MYH11: variants seen among roughly 807,000 people sequenced by gnomAD.
The protein encoded by MYH11 is myosin heavy chain 11, also known as myosin-11.
A neutral mutation model predicts 246.6 loss-of-function variants in MYH11; 80 were observed. The observed-to-expected ratio is 0.32, with a 90% CI of 0.27 to 0.39. The LOEUF is 0.39. Ranked by LOEUF, MYH11 falls within the 10% of genes least tolerant of loss-of-function variation. The probability of loss-of-function intolerance (pLI) is 1.00; values close to 1 mark genes in which losing one functional copy is unlikely to be tolerated. For missense variants in MYH11, 2,158 were observed against 2,546.8 expected (o/e 0.85, Z 3.29); for synonymous variants, 1,071 against 1,015.5 (o/e 1.05, Z -1.04).
In MYH11 at chr16:15,815,618, G is replaced by A. The variant is rs756881302; in HGVS notation, c.502+7637C>T. Among the ~76,000 whole-genome samples, 50 of 152,236 alleles carry A rather than the reference G, an allele frequency of 3.3e-4. 2 individuals are homozygous for A. The Middle Eastern group carries it at 0.031, about 93-fold the overall frequency. On this transcript the variant is annotated intron_variant, in intron 3 of 40. Transcript: ENST00000300036. Reference sequence around the variant, plus strand: ...ACACAGGGAGAAAGACAGCATCAATGAAATAATTTGCAACATTTCCCAGAA... The same window carrying A: ...ACACAGGGAGAAAGACAGCATCAATAAAATAATTTGCAACATTTCCCAGAA...
In MYH11 at chr16:15,719,288, C is replaced by G; in HGVS notation, c.5103G>C (p.Arg1701Ser). The G allele has an allele frequency of 6.2e-7, 1 of 1,612,414 alleles. No individual in the cohort carries two copies. Among genetic ancestry groups the G allele is most frequent in the Non-Finnish European group, 8.5e-7 (1 of 1,180,018 alleles). ...TCTCGAGGTCCGCTTGTTTGCGAGCCCTCTCAGCGGCGGCGAGGTCCTAGG... is the reference window on the plus strand; with the variant it reads ...TCTCGAGGTCCGCTTGTTTGCGAGCGCTCTCAGCGGCGGCGAGGTCCTAGG... ...QLQEDLAAAERARKQADLEKE... is the reference protein window; with the variant it reads ...QLQEDLAAAESARKQADLEKE... Residue 1701 changes from arginine (R) to serine (S), a missense_variant, in exon 36 of 41, where the codon AGG (arginine) becomes AGC (serine). Physicochemically the swap from Arg to Ser is moderately radical, Grantham distance 110. Coordinates refer to ENST00000300036, the MANE Select transcript of MYH11 (RefSeq NM_002474.3).
chr16:15,767,199 T>C (rs544272657), intron 9 of MYH11, among the ~76,000 whole-genome samples: 16 of 151,950 alleles, frequency 1.1e-4, no homozygotes, highest in African/African-American at 3.9e-4. Flanking sequence ...AGAGGATAGA[T>C]GGATGATAGA....
intron 5 of MYH11, chr16:15,785,487 G>A (rs1485133785): frequency 6.6e-6 from 1 of 151,858 alleles, no homozygotes; most frequent in Non-Finnish European, 1.5e-5. Context: ...TCCTGCATTT[G>A]TTTGGAGAAG....
chr16:15,749,919 C>T (rs1164639714), intron 16 of MYH11: 1 of 617,688 alleles, frequency 1.6e-6, no homozygotes, highest in Non-Finnish European at 2.8e-6. Flanking sequence ...GGCTGGATGA[C>T]CTGCACAGCA....
chr16:15,741,523 C>T lies in MYH11; in HGVS notation c.2799G>A (p.Glu933=), dbSNP rs1461908194. 2 of 1,609,990 alleles carry T rather than the reference C, an allele frequency of 1.2e-6. No homozygotes were observed. The highest frequency in any genetic ancestry group is 1.7e-6 in the Non-Finnish European group (2 of 1,180,024). The change falls in exon 22 of 41, where the codon GAG becomes GAA. Residue 933 remains glutamate, a synonymous_variant. Transcript: ENST00000300036. ...GTAGCTGCTGGCCCCTGTCTTCCTC[C>T]TCCTCCAGGCGGGCCTCCATCTCAT... The part of the protein sequence containing the change: ...ILHEMEARLE[E]EEDRGQQLQA...
At chr16:15,824,294 T>C (rs1481572245) in intron 2 of MYH11, among the ~76,000 whole-genome samples, 1 of 151,996 alleles carries the variant, frequency 6.6e-6, no homozygotes, top group Admixed American at 6.6e-5. Context: ...TTTTTTTTTT[T>C]TGAGACAGGG....
At chr16:15,780,214 C>T (rs1192797905) in intron 6 of MYH11, among the ~76,000 whole-genome samples, 10 of 152,090 alleles carry the variant, frequency 6.6e-5, no homozygotes, top group Admixed American at 6.6e-4. Context: ...GGAGGCGGCA[C>T]ATCTGCTATG....
At position 15,715,252 on chromosome 16, in the gene MYH11, T is replaced by C; in HGVS notation, c.5525A>G (p.Lys1842Arg). The C allele has an allele frequency of 6.2e-7, 1 of 1,614,086 alleles. No individual in the cohort carries two copies. The highest frequency in any genetic ancestry group is 8.5e-7 in the Non-Finnish European group (1 of 1,180,012). The change falls in exon 39 of 41, where the codon AAG (lysine) becomes AGG (arginine). Residue 1842 changes from lysine (K) to arginine (R), a missense_variant. By Grantham distance (26) the Lys-to-Arg change is conservative. This residue lies in a region of MYH11 where 1,013 missense variants were observed against 993.5 expected (regional missense o/e 1.02). Coordinates refer to ENST00000300036, the MANE Select transcript of MYH11 (RefSeq NM_002474.3). ...CTTCTTGTCTTTCTGCTTCAGCGAC[T>C]TGGTGGCCGCCTGTTTCTCTCTGCA... Reference protein sequence around the residue: ...QEAREKQAATKSLKQKDKKLK... With the variant: ...QEAREKQAATRSLKQKDKKLK...
At chr16:15,793,795 T>G (rs915185997) in intron 4 of MYH11, among the ~76,000 whole-genome samples, 1 of 146,390 alleles carries the variant, frequency 6.8e-6, no homozygotes, top group Non-Finnish European at 1.5e-5. Flanking sequence ...AATTTTTTTG[T>G]ATTTTTTTTA....
Position 15,726,856 on chromosome 16 carries a change from TGTG to T in MYH11, c.3847_3849del (p.His1283del). 6.2e-7 allele frequency: 1 copy of T among 1,611,948 alleles called. No homozygotes were observed. Among genetic ancestry groups the T allele is most frequent in the Non-Finnish European group, 8.5e-7 (1 of 1,179,962 alleles). On this transcript the variant is annotated inframe_deletion, in exon 28 of 41. Transcript: ENST00000300036. ...CCGCGCCACCTCCTCACCTGCAGCT[TGTG>T]GACTTTGTCATTGAGCTCCGCCCGG...
intron 10 of MYH11, among the ~76,000 whole-genome samples, chr16:15,761,251 T>C (rs2041861421): frequency 6.6e-6 from 1 of 151,922 alleles, no homozygotes; most frequent in East Asian, 1.9e-4. Context: ...GCTGGCATTA[T>C]AGGTGCCTGC....
At chr16:15,852,867 C>T (rs945127946) in intron 1 of MYH11, among the ~76,000 whole-genome samples, 1 of 152,090 alleles carries the variant, frequency 6.6e-6, no homozygotes, top group African/African-American at 2.4e-5. Context: ...GTTGGGGAAC[C>T]AGGATTAGAA....
intron 4 of MYH11, among the ~76,000 whole-genome samples, chr16:15,797,334 C>G (rs1374991137): frequency 6.6e-6 from 1 of 152,008 alleles, no homozygotes; most frequent in Non-Finnish European, 1.5e-5. Context: ...CCATGCAATC[C>G]TGCTCTTTTT....
chr16:15,837,732 A>G (rs1274683868), intron 2 of MYH11, among the ~76,000 whole-genome samples, 176 bp downstream of exon 2: 24 of 151,886 alleles, frequency 1.6e-4, no homozygotes, highest in Non-Finnish European at 2.6e-4. Context: ...ACGGCATTTC[A>G]TCATGTTGGC....
chr16:15,767,612 G>A (rs1037431218), intron 9 of MYH11, among the ~76,000 whole-genome samples: 23 of 151,844 alleles, frequency 1.5e-4, no homozygotes, highest in Admixed American at 3.9e-4. Flanking sequence ...GTGAACCACC[G>A]CGCCCAGCCT....
Position 15,717,305 on chromosome 16 carries a change from G to A in MYH11, c.5339C>T (p.Ala1780Val). Residue 1780 changes from alanine to valine, a missense_variant, in exon 38 of 41, where the codon GCC (alanine) becomes GTC (valine). Physicochemically the swap from Ala to Val is moderately conservative, Grantham distance 64. Around this residue, in one of 11 missense-constraint regions of MYH11, gnomAD observed 1,013 missense variants for 993.5 expected, o/e 1.02. Transcript: ENST00000300036. Reference protein sequence around the residue: ...SNELATERSTAQKNESARQQL... With the variant: ...SNELATERSTVQKNESARQQL... ...CTGCCGGGCACTCTCATTCTTCTGG[G>A]CCGTGCTGCGCTCTGTGGCCAGCTC... The A allele has an allele frequency of 6.2e-7, 1 of 1,612,078 alleles. No homozygotes were observed.
At chr16:15,813,387 T>C (rs917918955) in intron 3 of MYH11, among the ~76,000 whole-genome samples, 1 of 152,134 alleles carries the variant, frequency 6.6e-6, no homozygotes, top group Non-Finnish European at 1.5e-5. Context: ...GTCAGCCTTC[T>C]TTACTTTATA....
intron 1 of MYH11, among the ~76,000 whole-genome samples, chr16:15,855,958 C>T (rs1012287406): frequency 6.6e-6 from 1 of 152,226 alleles, no homozygotes; most frequent in Non-Finnish European, 1.5e-5. Flanking sequence ...TCTTGACAAG[C>T]ATGGCTTTGG....
intron 3 of MYH11, among the ~76,000 whole-genome samples, chr16:15,820,913 C>T (rs1467056676): frequency 6.6e-6 from 1 of 152,200 alleles, no homozygotes; most frequent in Non-Finnish European, 1.5e-5. Context: ...GGCTCTCTCA[C>T]CCAGGCTGGA....
Sources: allele counts gnomAD v4.1 joint callset (sites outside exome capture counted in the v4.1 genomes callset), GRCh38; gene constraint gnomAD v4.1.1; regional missense constraint gnomAD v4.1.1; transcripts MANE v1.5; gene names NCBI Gene and HGNC (gene_info 2026-07-23, HGNC 2026-07-21).